PROM1: variants seen among roughly 807,000 people sequenced by gnomAD.
PROM1 encodes prominin-1.
In PROM1, 105 loss-of-function variants were observed where a neutral mutation model predicts 116.9. That is an observed-to-expected ratio of 0.90 (90% CI 0.77 to 1.06). PROM1 has a LOEUF of 1.06. Among genes scored for constraint, PROM1 ranks in the 50% least tolerant of loss-of-function variants. PROM1 has a pLI of 0.00. For missense variants in PROM1, 1,122 were observed against 1,045.2 expected (o/e 1.07, Z -1.01); for synonymous variants, 393 against 387.0 (o/e 1.02, Z -0.18).
At chr4:16,048,348 A>C (rs1359090702) in intron 2 of PROM1, among the ~76,000 whole-genome samples, 1 of 152,198 alleles carries the variant, frequency 6.6e-6, no homozygotes, top group African/African-American at 2.4e-5. Context: ...TATGCATTGA[A>C]AAACCATTTT....
At chr4:16,075,620 C>A in intron 2 of PROM1, 67 bp downstream of exon 2, 1 of 1,416,086 alleles carries the variant, frequency 7.1e-7, no homozygotes, top group Non-Finnish European at 9.7e-7. Flanking sequence ...ATTGCATTGA[C>A]ATTAAAAAAC....
At chr4:16,041,803 T>G (rs1028874861) in intron 2 of PROM1, among the ~76,000 whole-genome samples, 2 of 146,220 alleles carry the variant, frequency 1.4e-5, no homozygotes, top group African/African-American at 5.0e-5. Context: ...TATATATATA[T>G]ATATGAAAGG....
At chr4:16,033,632 C>G in intron 4 of PROM1, 123 bp from the exon 5 acceptor site, 1 of 821,002 alleles carries the variant, frequency 1.2e-6, no homozygotes, top group Non-Finnish European at 1.7e-6. Flanking sequence ...CTCTGTTGCC[C>G]AGGCTGGAGC....
intron 4 of PROM1, among the ~76,000 whole-genome samples, chr4:16,034,785 G>A (rs1733598849): frequency 1.3e-5 from 2 of 152,216 alleles, no homozygotes; most frequent in Admixed American, 1.3e-4. Flanking sequence ...GTTCCTGGGA[G>A]CAAATGTGAT....
At chr4:15,978,809 T>G (rs929215516) in intron 26 of PROM1, among the ~76,000 whole-genome samples, 11 of 152,158 alleles carry the variant, frequency 7.2e-5, no homozygotes, top group African/African-American at 2.7e-4. Context: ...TCTGAATTCT[T>G]AGTAGAGCCT....
chr4:16,073,561 T>A (rs1018913020), intron 2 of PROM1, among the ~76,000 whole-genome samples: 1 of 152,176 alleles, frequency 6.6e-6, no homozygotes, highest in Non-Finnish European at 1.5e-5. Context: ...CCAAGATTCA[T>A]CTGTTAAACT....
intron 10 of PROM1, among the ~76,000 whole-genome samples, chr4:16,013,844 GACACTGATCGGT>G (rs1310149274): frequency 6.6e-6 from 1 of 152,062 alleles, no homozygotes; most frequent in Non-Finnish European, 1.5e-5. Context: ...GAGGTTAAGA[GACACTGATCGGT>G]ACACTATCCC....
chr4:15,999,092 C>T (rs1170358913), intron 14 of PROM1, among the ~76,000 whole-genome samples: 1 of 152,026 alleles, frequency 6.6e-6, no homozygotes, highest in Non-Finnish European at 1.5e-5. Context: ...GCAGAGTAGA[C>T]CATTTGATCA....
chr4:16,001,191 C>T (rs764574417), intron 13 of PROM1, among the ~76,000 whole-genome samples: 21 of 152,072 alleles, frequency 1.4e-4, no homozygotes, highest in Non-Finnish European at 2.1e-4. Context: ...ATATAGGAGG[C>T]AGCAGGACTC....
Position 15,968,422 on chromosome 4 carries a change from T to C in PROM1, c.*971A>G, listed in dbSNP as rs1430276843. On this transcript the variant is annotated 3_prime_UTR_variant, in exon 28 of 28. Coordinates refer to ENST00000447510, the MANE Select transcript of PROM1 (RefSeq NM_006017.3). ...CTGAAGCAAATGAATATTTACCTTG[T>C]GCTTTCATGCAAATTTAGGGACCAA... 3.9e-5 allele frequency: 6 copies of C among 152,220 alleles called. 1 individual carries two copies. The highest frequency in any genetic ancestry group is 3.9e-4 in the Admixed American group (6 of 15,286). 9.4% of individuals were successfully genotyped at this position (152,220 alleles called of 1,614,324 possible).
chr4:15,989,673 C>T (rs1720469676), intron 19 of PROM1, 59 bp downstream of exon 19: 2 of 1,375,830 alleles, frequency 1.5e-6, no homozygotes, highest in Non-Finnish European at 1.0e-6. Context: ...TGAAAGCCAA[C>T]TAGCTGCAGT....
intron 26 of PROM1, 184 bp from the exon 27 acceptor site, chr4:15,971,266 GCTTT>G: frequency 1.8e-6 from 1 of 554,110 alleles, no homozygotes; most frequent in Non-Finnish European, 3.2e-6. Flanking sequence ...TGTTTGTATT[GCTTT>G]TAAAAACAGC....
intron 19 of PROM1, 58 bp from the exon 20 acceptor site, chr4:15,987,774 C>A: frequency 7.2e-7 from 1 of 1,396,994 alleles, no homozygotes; most frequent in Non-Finnish European, 1.0e-6. Flanking sequence ...AGATCACATA[C>A]CTTGTGTCCT....
At chr4:15,989,644 C>T (rs957257340) in intron 19 of PROM1, 88 bp downstream of exon 19, 2 of 1,086,518 alleles carry the variant, frequency 1.8e-6, no homozygotes, top group Admixed American at 4.0e-5. Flanking sequence ...GAGAGATGAG[C>T]ATGTGTCGTG....
chr4:16,067,747 C>T (rs546099594), intron 2 of PROM1, among the ~76,000 whole-genome samples: 46 of 152,286 alleles, frequency 3.0e-4, no homozygotes, highest in African/African-American at 7.9e-4. Flanking sequence ...GGCATAGACA[C>T]GTCGATTTGG....
intron 18 of PROM1, 127 bp downstream of exon 18, chr4:15,991,093 CAA>C (rs753956472): frequency 4.3e-5 from 31 of 712,744 alleles, no homozygotes; most frequent in Non-Finnish European, 7.2e-5. Flanking sequence ...ATGACACACA[CAA>C]GAGAGGTGTT....
chr4:16,021,880 G>C (rs75653166), intron 8 of PROM1, among the ~76,000 whole-genome samples: 2 of 152,106 alleles, frequency 1.3e-5, no homozygotes, highest in African/African-American at 4.8e-5. Flanking sequence ...CCCCAGATTC[G>C]TATGTTGAAG....
intron 2 of PROM1, among the ~76,000 whole-genome samples, chr4:16,062,138 G>A (rs13129520): frequency 0.72 from 109,326 of 151,650 alleles, 39,577 homozygotes; most frequent in Non-Finnish European, 0.76. Flanking sequence ...GTGACCACCC[G>A]CCTCGGCACC....
chr4:16,014,029 G>A (rs772691966), intron 10 of PROM1, among the ~76,000 whole-genome samples: 6 of 152,144 alleles, frequency 3.9e-5, no homozygotes, highest in East Asian at 3.8e-4. Context: ...CAACCGTGCC[G>A]AGCGATAGGG....
Sources: allele counts gnomAD v4.1 joint callset (sites outside exome capture counted in the v4.1 genomes callset), GRCh38; gene constraint gnomAD v4.1.1; transcripts MANE v1.5; gene names NCBI Gene and HGNC (gene_info 2026-07-23, HGNC 2026-07-21).